LMBR1: variants seen among roughly 807,000 people sequenced by gnomAD.
The protein encoded by LMBR1 is limb development membrane protein 1.
LMBR1 carries 52 observed loss-of-function variants against 73.9 expected under a neutral mutation model. That is an observed-to-expected ratio of 0.70 (90% confidence interval 0.56 to 0.89). The LOEUF (loss-of-function observed/expected upper bound fraction) is 0.89, where lower values mean the gene tolerates loss of function less well. Ranked by LOEUF, LMBR1 falls within the 40% of genes least tolerant of loss-of-function variation. The pLI, the probability that LMBR1 is intolerant of heterozygous loss-of-function variation, is 0.00. For synonymous variants in LMBR1, 215 were observed against 209.4 expected, an observed-to-expected ratio of 1.03 and a Z score of -0.23; for missense variants, 539 against 579.8, an observed-to-expected ratio of 0.93 and a Z score of 0.72.
intron 5 of LMBR1, among the ~76,000 whole-genome samples, chr7:156,794,284 A>T (rs1829717547): frequency 6.6e-6 from 1 of 152,214 alleles, no homozygotes; most frequent in African/African-American, 2.4e-5. Context: ...ATGTATAAAA[A>T]GACTAAAAAT....
chr7:156,827,834 A>G (rs1835958570), intron 3 of LMBR1, among the ~76,000 whole-genome samples: 1 of 152,254 alleles, frequency 6.6e-6, no homozygotes, highest in African/African-American at 2.4e-5. Flanking sequence ...AAAAATAACC[A>G]GGAAACCTCC....
In LMBR1 at chr7:156,792,597, G is replaced by A. The variant is rs544971690; in HGVS notation, c.423+3792C>T. ...AAATAGAAACACACACCGCTGCCAC[G>A]GTAAGAAGAGAGAAGCAAAGCTATT... On this transcript the variant is annotated intron_variant, in intron 5 of 16. Coordinates refer to ENST00000353442, the MANE Select transcript of LMBR1 (RefSeq NM_022458.4). Among the ~76,000 whole-genome samples, 4 of 152,280 alleles carry A rather than the reference G, an allele frequency of 2.6e-5. No individual in the cohort carries two copies. Among genetic ancestry groups the A allele is most frequent in the South Asian group, 2.1e-4 (1 of 4,824 alleles).
chr7:156,676,950 C>T, downstream of LMBR1: 1 of 317,260 alleles, frequency 3.2e-6, no homozygotes, highest in Non-Finnish European at 5.9e-6. Flanking sequence ...TAGCTAGTGT[C>T]TGAACGACAC....
In LMBR1 at chr7:156,869,009, T is replaced by C. The variant is rs147854236; in HGVS notation, c.66+23919A>G. ...AAACTGGCATTGCACAATATAAAGA[T>C]AAATGTTAAAAATCATGCTATTAAT... On this transcript the variant is annotated intron_variant, in intron 1 of 16. Transcript: ENST00000353442. 2.6e-3 allele frequency among the ~76,000 whole-genome samples: 402 copies of C among 152,270 alleles called. 5 individuals carry two copies. The highest frequency in any genetic ancestry group is 9.1e-3 in the African/African-American group (377 of 41,558).
intron 4 of LMBR1, among the ~76,000 whole-genome samples, chr7:156,824,706 G>A (rs528857782): frequency 3.3e-5 from 5 of 152,138 alleles, no homozygotes; most frequent in African/African-American, 1.2e-4. Flanking sequence ...TTAGCTTGGC[G>A]TGGTGTCACA....
At position 156,680,376 on chromosome 7, in the gene LMBR1, C is replaced by CAGAGAGAGAGAGAGAGAGAG. The variant is rs376130225; in HGVS notation, c.*3682_*3701dup. On this transcript the variant is annotated 3_prime_UTR_variant, in exon 17 of 17. Transcript: ENST00000353442. ...TTTTTGCTTATACGTATCTGAGAGA[C>CAGAGAGAGAGAGAGAGAGAG]AGAGAGAGAGAGAGAGAGAGAGAGA... is the stretch of plus-strand genomic sequence containing the variant. 7 of 141,162 alleles carry CAGAGAGAGAGAGAGAGAGAG rather than the reference C, an allele frequency of 5.0e-5. No homozygotes were observed. The highest frequency in any genetic ancestry group is 5.7e-5 in the African/African-American group (2 of 35,320). The allele number at this position is 141,162 out of a possible 1,614,324, so 8.7% of individuals were successfully genotyped here. A position where few individuals can be genotyped will look rare whatever the true frequency, so the allele number is the denominator to read the frequency against.
At chr7:156,804,245 A>C (rs907462365) in intron 4 of LMBR1, among the ~76,000 whole-genome samples, 2 of 152,234 alleles carry the variant, frequency 1.3e-5, no homozygotes, top group African/African-American at 4.8e-5. Flanking sequence ...GTTATCTAGC[A>C]CAACTATTTT....
intron 15 of LMBR1, among the ~76,000 whole-genome samples, chr7:156,703,482 T>G (rs1810236468): frequency 6.6e-6 from 1 of 152,100 alleles, no homozygotes; most frequent in African/African-American, 2.4e-5. Context: ...CTTCTAGGAC[T>G]GACTAGATAC....
intron 1 of LMBR1, among the ~76,000 whole-genome samples, chr7:156,889,164 T>C (rs902401468): frequency 6.6e-6 from 1 of 152,198 alleles, no homozygotes; most frequent in African/African-American, 2.4e-5. Context: ...AAATATTGTA[T>C]GGTTCAACTG....
At chr7:156,687,979 C>G in intron 16 of LMBR1, 51 bp downstream of exon 16, 1 of 1,460,860 alleles carries the variant, frequency 6.8e-7, no homozygotes, top group Non-Finnish European at 9.2e-7. Flanking sequence ...ACTCAAATGT[C>G]AAAATTATTT....
intron 15 of LMBR1, among the ~76,000 whole-genome samples, chr7:156,700,047 AT>A (rs1161985605): frequency 6.6e-6 from 1 of 152,242 alleles, no homozygotes; most frequent in Non-Finnish European, 1.5e-5. Context: ...TACTGGGTAT[AT>A]ACTCAAAGGA....
intron 4 of LMBR1, among the ~76,000 whole-genome samples, chr7:156,806,726 C>G (rs781602547): frequency 1.6e-4 from 24 of 146,840 alleles, no homozygotes; most frequent in Non-Finnish European, 1.3e-4. Context: ...ATTCTCCTGT[C>G]TCAGCCTCCC....
intron 1 of LMBR1, among the ~76,000 whole-genome samples, chr7:156,852,298 A>G (rs1383684674): frequency 6.6e-6 from 1 of 152,186 alleles, no homozygotes; most frequent in Admixed American, 6.5e-5. Flanking sequence ...AAGTCAATAT[A>G]CGTGTTCAAT....
At chr7:156,691,403 C>T (rs1310708491) in intron 15 of LMBR1, among the ~76,000 whole-genome samples, 1 of 152,120 alleles carries the variant, frequency 6.6e-6, no homozygotes, top group African/African-American at 2.4e-5. Context: ...TGCATAATTC[C>T]TTGAATAATG....
intron 15 of LMBR1, among the ~76,000 whole-genome samples, chr7:156,716,729 C>A (rs1188492103): frequency 6.6e-6 from 1 of 152,202 alleles, no homozygotes; most frequent in Non-Finnish European, 1.5e-5. Context: ...ACACTACTCT[C>A]ACAATAAAAT....
intron 1 of LMBR1, among the ~76,000 whole-genome samples, chr7:156,864,651 ACTT>A (rs1798195776): frequency 2.0e-5 from 3 of 152,218 alleles, no homozygotes; most frequent in South Asian, 2.1e-4. Context: ...ATGAAAGAAT[ACTT>A]CTTAATTTTC....
intron 1 of LMBR1, among the ~76,000 whole-genome samples, chr7:156,850,067 T>C (rs944352894): frequency 6.6e-6 from 1 of 152,218 alleles, no homozygotes; most frequent in Non-Finnish European, 1.5e-5. Flanking sequence ...CCAAAGTTCA[T>C]GTATTTGAAA....
rs1316902866 is a variant in LMBR1, at chr7:156,684,091, T to C, written c.1460A>G (p.Gln487Arg). ...CGTCTGTGCGTCTCACAGTGCTTTC[T>C]GATGCCCATTTACAGAAGGCTTGGC... ...ETAKPSVNGH[Q>R]KAL The change falls in exon 17 of 17, where the codon CAG (glutamine) becomes CGG (arginine). Residue 487 changes from glutamine to arginine, a missense_variant. By Grantham distance (43) the Gln-to-Arg change is conservative. Around this residue, in one of 3 missense-constraint regions of LMBR1, gnomAD observed 69 missense variants for 68.5 expected, o/e 1.01. Coordinates refer to ENST00000353442, the MANE Select transcript of LMBR1 (RefSeq NM_022458.4). 1.2e-6 allele frequency: 2 copies of C among 1,613,856 alleles called. No homozygotes were observed. Among genetic ancestry groups the C allele is most frequent in the East Asian group, 4.5e-5 (2 of 44,898 alleles).
chr7:156,699,129 C>A (rs1809027983), intron 15 of LMBR1, among the ~76,000 whole-genome samples: 1 of 152,110 alleles, frequency 6.6e-6, no homozygotes. Flanking sequence ...GGCAAAATGC[C>A]ACCAGTCTCT....
Sources: gnomAD v4.1 joint callset for allele counts (sites outside exome capture counted in the v4.1 genomes callset) on GRCh38, gnomAD v4.1.1 for gene constraint, gnomAD v4.1.1 regional missense constraint, MANE v1.5 for transcripts, NCBI Gene and HGNC (gene_info 2026-07-23, HGNC 2026-07-21) for gene names.